The following DMD variants were observed in gnomAD, a reference collection of about 807,000 sequenced individuals.
DMD encodes dystrophin.
DMD carries 63 observed loss-of-function variants against 330.1 expected under a neutral mutation model. The observed-to-expected ratio is 0.19, with a 90% CI of 0.16 to 0.24. The LOEUF is 0.24. Among genes scored for constraint, DMD ranks in the 10% least tolerant of loss-of-function variants. DMD has a pLI of 1.00. For synonymous variants in DMD, 1,223 were observed against 959.8 expected, an observed-to-expected ratio of 1.27 and a Z score of -5.07; for missense variants, 3,344 against 2,684.1, an observed-to-expected ratio of 1.25 and a Z score of -5.43.
At chrX:32,433,778 C>T (rs1398284754) in intron 29 of DMD, among the ~76,000 whole-genome samples, 1 of 111,819 alleles carries the variant, frequency 8.9e-6, no homozygotes, top group African/African-American at 3.2e-5. Flanking sequence ...GGTACCTGAG[C>T]CTCTGTAACC....
At chrX:31,743,131 C>G (rs2087502572) in intron 51 of DMD, among the ~76,000 whole-genome samples, 1 of 111,744 alleles carries the variant, frequency 8.9e-6, no homozygotes, top group Admixed American at 9.5e-5. Flanking sequence ...AAATGCAAAT[C>G]AAAACCACAA....
At chrX:31,133,972 C>T (rs1363676382) in intron 77 of DMD, 130 bp downstream of exon 77, 50 of 564,684 alleles carry the variant, frequency 8.9e-5, no homozygotes, top group Non-Finnish European at 1.4e-4. Flanking sequence ...AATCTTTTCA[C>T]CATGGACCCA....
intron 2 of DMD, among the ~76,000 whole-genome samples, chrX:32,908,303 A>G (rs1375891168): frequency 8.9e-6 from 1 of 111,893 alleles, no homozygotes. Flanking sequence ...TATATTTTCC[A>G]TGGGAAATAT....
intron 59 of DMD, among the ~76,000 whole-genome samples, chrX:31,457,052 G>A (rs1049109571): frequency 9.1e-6 from 1 of 109,412 alleles, no homozygotes; most frequent in South Asian, 4.0e-4. Context: ...TGATGGAGGG[G>A]AAGAGAGACC....
intron 2 of DMD, among the ~76,000 whole-genome samples, chrX:33,007,172 C>T (rs1166811700): frequency 9.0e-6 from 1 of 110,730 alleles, no homozygotes; most frequent in Non-Finnish European, 1.9e-5. Context: ...CCTAATCTCC[C>T]ACAATGTACA....
At chrX:32,196,663 A>C in intron 44 of DMD, among the ~76,000 whole-genome samples, 1 of 110,745 alleles carries the variant, frequency 9.0e-6, no homozygotes, top group South Asian at 3.9e-4. Context: ...AGCTGTACAC[A>C]TACATATATA....
At chrX:31,483,242 T>G (rs1033591031) in intron 57 of DMD, among the ~76,000 whole-genome samples, 1 of 108,382 alleles carries the variant, frequency 9.2e-6, no homozygotes, top group African/African-American at 3.4e-5. Flanking sequence ...GAGACGGGGT[T>G]TCACCGTGTT....
intron 1 of DMD, among the ~76,000 whole-genome samples, chrX:33,224,109 T>C (rs66494020): frequency 0.08 from 8,934 of 112,080 alleles, 305 homozygotes; most frequent in South Asian, 0.25. Context: ...TATGGAGTAA[T>C]AGGAACTCTT....
intron 1 of DMD, among the ~76,000 whole-genome samples, chrX:33,161,666 C>T (rs1368578718): frequency 9.0e-6 from 1 of 111,096 alleles, no homozygotes; most frequent in Admixed American, 9.7e-5. Flanking sequence ...TCCCATCTCA[C>T]AAAACCTATT....
At chrX:32,182,555 A>T (rs2096930841) in intron 44 of DMD, among the ~76,000 whole-genome samples, 1 of 111,538 alleles carries the variant, frequency 9.0e-6, no homozygotes, top group Non-Finnish European at 1.9e-5. Context: ...ATGTATAGGC[A>T]TATAAACAGT....
intron 2 of DMD, among the ~76,000 whole-genome samples, chrX:32,946,959 C>A (rs886202888): frequency 8.9e-6 from 1 of 112,158 alleles, no homozygotes; most frequent in Non-Finnish European, 1.9e-5. Context: ...GGCAGAGGAC[C>A]ATTGAGCTTG....
At chrX:32,796,648 A>G (rs765728304) in intron 7 of DMD, among the ~76,000 whole-genome samples, 1 of 112,124 alleles carries the variant, frequency 8.9e-6, no homozygotes, top group East Asian at 2.8e-4. Context: ...AAAGTAATGA[A>G]TACCCCAAAT....
intron 11 of DMD, among the ~76,000 whole-genome samples, chrX:32,621,047 G>C (rs1015333686): frequency 9.0e-6 from 1 of 111,197 alleles, no homozygotes; most frequent in Admixed American, 9.6e-5. Context: ...TGGCGGGTGA[G>C]GGCCACAGAT....
chrX:32,428,003 A>G (rs1409548001), intron 29 of DMD, among the ~76,000 whole-genome samples: 1 of 110,985 alleles, frequency 9.0e-6, no homozygotes, highest in Non-Finnish European at 1.9e-5. Context: ...CTCTCAGTTG[A>G]TTTGTCTAAT....
At chrX:32,447,364 A>G (rs945138709) in intron 27 of DMD, among the ~76,000 whole-genome samples, 2 of 110,678 alleles carry the variant, frequency 1.8e-5, no homozygotes, top group African/African-American at 6.5e-5. Flanking sequence ...GCACTTTTCA[A>G]GAGTCTGAGG....
chrX:33,008,790 A>G (rs1328178590), intron 2 of DMD, among the ~76,000 whole-genome samples: 9 of 67,226 alleles, frequency 1.3e-4, no homozygotes, highest in African/African-American at 5.4e-4. Flanking sequence ...ACAACTATAT[A>G]TACGTATATA....
At chrX:32,693,842 T>A (rs903741802) in intron 9 of DMD, among the ~76,000 whole-genome samples, 2 of 110,986 alleles carry the variant, frequency 1.8e-5, no homozygotes, top group African/African-American at 6.6e-5. Flanking sequence ...TACACACACA[T>A]GCACACACCA....
At chrX:32,355,712 A>T (rs759573930) in intron 37 of DMD, among the ~76,000 whole-genome samples, 3 of 111,404 alleles carry the variant, frequency 2.7e-5, no homozygotes, top group Non-Finnish European at 5.7e-5. Flanking sequence ...TTTCTGATTC[A>T]TTTTAGTAAA....
intron 1 of DMD, among the ~76,000 whole-genome samples, chrX:33,326,653 A>G (rs985482571): frequency 5.4e-5 from 6 of 112,038 alleles, no homozygotes; most frequent in Non-Finnish European, 1.1e-4. Context: ...CATGCAAGTT[A>G]TTTGAATTAT....
Sources: allele counts gnomAD v4.1 joint callset (sites outside exome capture counted in the v4.1 genomes callset), GRCh38; gene constraint gnomAD v4.1.1; transcripts MANE v1.5; gene names NCBI Gene and HGNC (gene_info 2026-07-23, HGNC 2026-07-21).